The following SIGLEC11 variants were observed in gnomAD, a reference collection of about 807,000 sequenced individuals.
SIGLEC11 encodes the protein sialic acid binding Ig like lectin 11, also known as sialic acid-binding Ig-like lectin 11.
A neutral mutation model predicts 61.2 loss-of-function variants in SIGLEC11; 47 were observed. That is an observed-to-expected ratio of 0.77 (90% CI 0.61 to 0.98). SIGLEC11 has a LOEUF of 0.98. Among genes scored for constraint, SIGLEC11 ranks in the 50% least tolerant of loss-of-function variants. The pLI is 0.00. For missense variants in SIGLEC11, 610 were observed against 870.3 expected, an observed-to-expected ratio of 0.70 and a Z score of 3.76; for synonymous variants, 278 against 373.1, an observed-to-expected ratio of 0.75 and a Z score of 2.94.
intron 10 of SIGLEC11, 144 bp from the exon 11 acceptor site, chr19:49,950,380 A>T (rs2076151740): frequency 2.4e-6 from 2 of 838,202 alleles, no homozygotes; most frequent in East Asian, 6.0e-5. Context: ...TCATTCATTC[A>T]CTCATTCATT....
chr19:49,954,826 C>A (rs1268863912), intron 8 of SIGLEC11, among the ~76,000 whole-genome samples: 1 of 152,124 alleles, frequency 6.6e-6, no homozygotes, highest in Non-Finnish European at 1.5e-5. Context: ...AAGGTCAGTT[C>A]TCATACCAAG....
chr19:49,949,823 CAG>C lies in SIGLEC11; in HGVS notation c.*145_*146del. On this transcript the variant is annotated 3_prime_UTR_variant, in exon 11 of 11. Coordinates refer to ENST00000447370, the MANE Select transcript of SIGLEC11 (RefSeq NM_052884.3). ...CACCACTGGACTCTGGCCTGGAGGA[CAG>C]AGTCAGACCCTGTCTCAAAAAAAGT... 1.2e-6 allele frequency: 1 copy of C among 839,104 alleles called. No homozygotes were observed. The allele number at this position is 839,104 out of a possible 1,614,324, so 52.0% of individuals were successfully genotyped here. A position where few individuals can be genotyped will look rare whatever the true frequency, so the allele number is the denominator to read the frequency against.
intron 8 of SIGLEC11, among the ~76,000 whole-genome samples, chr19:49,954,000 A>G (rs2076177888): frequency 6.6e-6 from 1 of 152,170 alleles, no homozygotes; most frequent in African/African-American, 2.4e-5. Context: ...ACTAGGAAAC[A>G]ATTGGGCATG....
rs961674154 is a variant in SIGLEC11, at chr19:49,954,143, C to T, written c.1652-1749G>A. 8.5e-5 allele frequency among the ~76,000 whole-genome samples: 13 copies of T among 152,244 alleles called. No homozygotes were observed. In the South Asian group the frequency reaches 2.1e-3, roughly 24 times the overall value. The stretch of plus-strand genomic sequence containing the variant: ...CCCTGTTTAGCAGCTTATTGCAAAA[C>T]ACTTGTAGCCCGAGCCAAAAATAAA... On this transcript the variant is annotated intron_variant, in intron 8 of 10. Coordinates refer to ENST00000447370, the MANE Select transcript of SIGLEC11 (RefSeq NM_052884.3).
At position 49,955,867 on chromosome 19, in the gene SIGLEC11, G is replaced by A. The variant is rs1437770021; in HGVS notation, c.1651+2416C>T. On this transcript the variant is annotated intron_variant, in intron 8 of 10. Transcript: ENST00000447370. The surrounding 1 kb of genome is among the most constrained non-coding windows in gnomAD (Gnocchi z 4.5). Reference sequence around the variant, plus strand: ...GGAGAATGGCGTGAACCTGGGAGTTGGAGCTTGCAGTGAGCAGAGATGGCG... The same window carrying A: ...GGAGAATGGCGTGAACCTGGGAGTTAGAGCTTGCAGTGAGCAGAGATGGCG... Among the ~76,000 whole-genome samples, 1 of 151,744 alleles carries A rather than the reference G, an allele frequency of 6.6e-6. No individual in the cohort carries two copies. Among genetic ancestry groups the A allele is most frequent in the African/African-American group, 2.4e-5 (1 of 41,260 alleles).
chr19:49,957,858 G>A (rs2076208820), intron 8 of SIGLEC11, among the ~76,000 whole-genome samples: 1 of 152,102 alleles, frequency 6.6e-6, no homozygotes, highest in Non-Finnish European at 1.5e-5. Flanking sequence ...GGGCGTGGTG[G>A]CGCATGCCTG....
rs1460844526 is a variant in SIGLEC11 at position 49,960,727 on chromosome 19, C to T, written c.285G>A (p.Val95=). 2.5e-6 allele frequency: 4 copies of T among 1,612,868 alleles called. No individual in the cohort carries two copies. The highest frequency in any genetic ancestry group is 3.4e-6 in the Non-Finnish European group (4 of 1,179,952). ...GGAATCGGTCCCGGGTGCTCATTTCCACCTCTCGACTCTGGTTGTTAGTGG... is the reference window on the plus strand; with the variant it reads ...GGAATCGGTCCCGGGTGCTCATTTCTACCTCTCGACTCTGGTTGTTAGTGG... ...PVATNNQSRE[V]EMSTRDRFQL... Residue 95 remains valine (V), a synonymous_variant, in exon 2 of 11, where the codon GTG becomes GTA. Transcript: ENST00000447370.
chr19:49,954,607 C>T (rs79777362), intron 8 of SIGLEC11, among the ~76,000 whole-genome samples: 10 of 152,146 alleles, frequency 6.6e-5, no homozygotes, highest in African/African-American at 2.4e-4. Flanking sequence ...ACTGGAAACA[C>T]CATACTCCCT....
chr19:49,952,330 C>A lies in SIGLEC11; in HGVS notation c.1716G>T (p.Leu572=). ...GAALGAGVAA[L]LAFCSCLVVF... is the part of the protein sequence containing the mutation. ...CGACAAGGCAGGAACAGAAAGCGAG[C>A]AGGGCAGCGACGCCAGCTCCCAGGG... is the stretch of plus-strand genomic sequence containing the variant. The change falls in exon 9 of 11, where the codon CTG becomes CTT. Residue 572 remains leucine (L), a synonymous_variant. Coordinates refer to ENST00000447370, the MANE Select transcript of SIGLEC11 (RefSeq NM_052884.3). 1 of 1,611,916 alleles carries A rather than the reference C, an allele frequency of 6.2e-7. No individual in the cohort carries two copies. Among genetic ancestry groups the A allele is most frequent in the Non-Finnish European group, 8.5e-7 (1 of 1,179,972 alleles).
chr19:49,960,543 A>G lies in SIGLEC11; in HGVS notation c.460+9T>C, dbSNP rs1290657242. The G allele has an allele frequency of 1.3e-6, 2 of 1,597,562 alleles. No individual in the cohort carries two copies. Among genetic ancestry groups the G allele is most frequent in the Non-Finnish European group, 1.7e-6 (2 of 1,178,358 alleles). ...TGTGACAGGCAGGGGTTCCCACCCCATTCCATACCTGTTACTTTTAGAAAG... is the reference window on the plus strand; with the variant it reads ...TGTGACAGGCAGGGGTTCCCACCCCGTTCCATACCTGTTACTTTTAGAAAG... On this transcript the variant is annotated intron_variant, in intron 2 of 10. Transcript: ENST00000447370.
intron 8 of SIGLEC11, among the ~76,000 whole-genome samples, chr19:49,957,786 G>A (rs1010452679): frequency 7.2e-5 from 11 of 152,218 alleles, no homozygotes; most frequent in African/African-American, 2.4e-4. Context: ...TGAATCACAA[G>A]GTCAGGAGTT....
Position 49,949,804 on chromosome 19 carries a change from TG to T in SIGLEC11, c.*165del. ...CTACAGTGAGCTGAGATTGCACCAC[TG>T]GACTCTGGCCTGGAGGACAGAGTCA... is the stretch of plus-strand genomic sequence containing the variant. On this transcript the variant is annotated 3_prime_UTR_variant, in exon 11 of 11. Coordinates refer to ENST00000447370, the MANE Select transcript of SIGLEC11 (RefSeq NM_052884.3). 1.6e-6 allele frequency: 1 copy of T among 639,418 alleles called. No homozygotes were observed. Among genetic ancestry groups the T allele is most frequent in the Non-Finnish European group, 2.2e-6 (1 of 444,816 alleles). The allele number at this position is 639,418 out of a possible 1,614,324, so 39.6% of individuals were successfully genotyped here.
chr19:49,958,695 G>C lies in SIGLEC11; in HGVS notation c.1311C>G (p.His437Gln). The C allele has an allele frequency of 6.2e-7, 1 of 1,611,770 alleles. No homozygotes were observed. Among genetic ancestry groups the C allele is most frequent in the South Asian group, 1.1e-5 (1 of 90,748 alleles). ...QMEHEGEFTCHAQHPLGSQHV... is the reference protein window; with the variant it reads ...QMEHEGEFTCQAQHPLGSQHV... Reference sequence around the variant, plus strand: ...GCTGGGAGCCCAGAGGGTGCTGAGCGTGGCAGGTGAACTCTCCTTCGTGCT... The same window carrying C: ...GCTGGGAGCCCAGAGGGTGCTGAGCCTGGCAGGTGAACTCTCCTTCGTGCT... The change falls in exon 7 of 11, where the codon CAC becomes CAG. Residue 437 changes from histidine (H) to glutamine (Q), a missense_variant. Around this residue, in one of 6 missense-constraint regions of SIGLEC11, gnomAD observed 432 missense variants for 441.5 expected, o/e 0.98. Transcript: ENST00000447370.
chr19:49,959,327 A>C (rs768404125), intron 5 of SIGLEC11, 33 bp downstream of exon 5: 1 of 1,600,082 alleles, frequency 6.2e-7, no homozygotes, highest in East Asian at 2.2e-5. Context: ...CTGCCCTCCC[A>C]ATGGACTCCA....
chr19:49,960,403 T>A lies in SIGLEC11; in HGVS notation c.479A>T (p.Asp160Val). The A allele has an allele frequency of 3.1e-6, 5 of 1,594,940 alleles. No individual in the cohort carries two copies. Among genetic ancestry groups the A allele is most frequent in the Non-Finnish European group, 4.2e-6 (5 of 1,178,428 alleles). Residue 160 changes from aspartate (D) to valine (V), a missense_variant, in exon 3 of 11, where the codon GAT becomes GTT. Asp to Val is a radical substitution (Grantham distance 152). Coordinates refer to ENST00000447370, the MANE Select transcript of SIGLEC11 (RefSeq NM_052884.3). ...CTCCAGGGTCTCGGGGATGTAGACA[T>A]CAGGCTTCTTAGTCAGGGCTGGGAC... ...LKVTALTKKP[D>V]VYIPETLEPG...
rs1230917046 is a variant in SIGLEC11, at chr19:49,960,585, A to T, written c.427T>A (p.Phe143Ile). 10 of 1,598,322 alleles carry T rather than the reference A, an allele frequency of 6.3e-6. No homozygotes were observed. Among genetic ancestry groups the T allele is most frequent in the Non-Finnish European group, 8.5e-6 (10 of 1,178,892 alleles). Reference protein sequence around the residue: ...VERGSRVRHSFLSNAFFLKVT... With the variant: ...VERGSRVRHSILSNAFFLKVT... ...TTTAGAAAGAACGCATTGCTCAGGA[A>T]ACTATGTCTCACACGGCTTCCTCTC... Residue 143 changes from phenylalanine to isoleucine, a missense_variant, in exon 2 of 11, where the codon TTC (phenylalanine) becomes ATC (isoleucine). Coordinates refer to ENST00000447370, the MANE Select transcript of SIGLEC11 (RefSeq NM_052884.3).
rs761460127 is a variant in SIGLEC11 at position 49,950,077 on chromosome 19, T to G, written c.1990A>C (p.Ser664Arg). The change falls in exon 11 of 11, where the codon AGC (serine) becomes CGC (arginine). Residue 664 changes from serine (S) to arginine (R), a missense_variant. By Grantham distance (110) the Ser-to-Arg change is moderately radical. Transcript: ENST00000447370. ...TTGATCTCCGAGTACTCGGTGGTGC[T>G]GGGGGCCTCCTGGTCCGCAGGCTCC... ...LWEPADQEAP[S>R]TTEYSEIKIH... is the part of the protein sequence containing the mutation. The G allele has an allele frequency of 1.2e-6, 2 of 1,601,578 alleles. No homozygotes were observed. The highest frequency in any genetic ancestry group is 4.5e-5 in the East Asian group (2 of 44,222).
chr19:49,959,396 C>T lies in SIGLEC11; in HGVS notation c.1021G>A (p.Gly341Ser). 1.3e-6 allele frequency: 2 copies of T among 1,597,308 alleles called. No individual in the cohort carries two copies. The highest frequency in any genetic ancestry group is 1.7e-6 in the Non-Finnish European group (2 of 1,179,366). The change falls in exon 5 of 11, where the codon GGC (glycine) becomes AGC (serine). Residue 341 changes from glycine (G) to serine (S), a missense_variant. Physicochemically the swap from Gly to Ser is moderately conservative, Grantham distance 56. Coordinates refer to ENST00000447370, the MANE Select transcript of SIGLEC11 (RefSeq NM_052884.3). ...RYTCRAENRL[G>S]SQQQALDLSV... is the part of the protein sequence containing the mutation. ...AGGTCCAGGGCTTGCTGCTGGGAGCCAAGCCTGTTCTCCGCTCGGCAGGTG... is the reference window on the plus strand; with the variant it reads ...AGGTCCAGGGCTTGCTGCTGGGAGCTAAGCCTGTTCTCCGCTCGGCAGGTG...
intron 8 of SIGLEC11, among the ~76,000 whole-genome samples, chr19:49,957,761 G>A (rs2076207908): frequency 6.6e-6 from 1 of 152,188 alleles, no homozygotes; most frequent in South Asian, 2.1e-4. Context: ...CAGCACTTTG[G>A]GAGGTCCAGG....
Sources: gnomAD v4.1 joint callset for allele counts (sites outside exome capture counted in the v4.1 genomes callset) on GRCh38, gnomAD v4.1.1 for gene constraint, gnomAD v4.1.1 regional missense constraint, Gnocchi (gnomAD v3.1) non-coding constraint, MANE v1.5 for transcripts, NCBI Gene and HGNC (gene_info 2026-07-23, HGNC 2026-07-21) for gene names.